LRMDA: variants seen among roughly 807,000 people sequenced by gnomAD.
LRMDA encodes leucine-rich melanocyte differentiation-associated protein.
A neutral mutation model predicts 29.8 loss-of-function variants in LRMDA; 18 were observed. The ratio of observed to expected loss-of-function variants is 0.60; its 90% CI spans 0.42 to 0.90. The LOEUF is 0.90. Among genes scored for constraint, LRMDA ranks in the 40% least tolerant of loss-of-function variants. LRMDA has a pLI of 0.00. For missense variants in LRMDA, 273 were observed against 273.9 expected (o/e 1.00, Z 0.02); for synonymous variants, 125 against 109.4 (o/e 1.14, Z -0.89).
At chr10:76,327,044 T>G (rs1840843003) in intron 6 of LRMDA, among the ~76,000 whole-genome samples, 1 of 151,820 alleles carries the variant, frequency 6.6e-6, no homozygotes, top group Non-Finnish European at 1.5e-5. Context: ...TATCTTAAAC[T>G]CCTCATAAAT....
chr10:76,365,086 A>ACATATG (rs1841374823), intron 6 of LRMDA, among the ~76,000 whole-genome samples: 1 of 14,854 alleles, frequency 6.7e-5, no homozygotes, highest in African/African-American at 3.9e-4. Flanking sequence ...ACACACACAC[A>ACATATG]TATATATATA....
chr10:75,924,566 C>A (rs1477510192), intron 2 of LRMDA, among the ~76,000 whole-genome samples: 1 of 152,184 alleles, frequency 6.6e-6, no homozygotes, highest in East Asian at 1.9e-4. Context: ...TCAGGAAGGA[C>A]TGGCTGCCCA....
intron 5 of LRMDA, among the ~76,000 whole-genome samples, chr10:76,191,505 A>T (rs1851246360): frequency 6.6e-6 from 1 of 152,210 alleles, no homozygotes; most frequent in African/African-American, 2.4e-5. Context: ...ACTGCCTTAG[A>T]TTAAATCAAC....
At chr10:75,711,086 G>A (rs985755278) in intron 2 of LRMDA, among the ~76,000 whole-genome samples, 4 of 152,216 alleles carry the variant, frequency 2.6e-5, no homozygotes, top group African/African-American at 9.6e-5. Flanking sequence ...AATTTGGAAT[G>A]ATGTATTAAA....
At chr10:76,131,446 CA>C (rs1254031689) in intron 5 of LRMDA, among the ~76,000 whole-genome samples, 7 of 152,138 alleles carry the variant, frequency 4.6e-5, no homozygotes, top group Non-Finnish European at 1.0e-4. Flanking sequence ...AGGATATTTT[CA>C]ATGGACATTT....
chr10:75,524,941 A>G (rs956352681), intron 2 of LRMDA, among the ~76,000 whole-genome samples: 1 of 152,172 alleles, frequency 6.6e-6, no homozygotes, highest in African/African-American at 2.4e-5. Context: ...GATTGAGTCC[A>G]GTGGTGGTGG....
chr10:75,902,850 C>T (rs1211618596), intron 2 of LRMDA, among the ~76,000 whole-genome samples: 1 of 152,156 alleles, frequency 6.6e-6, no homozygotes, highest in Non-Finnish European at 1.5e-5. Flanking sequence ...CTCTGGTTCC[C>T]CCGACAACCC....
intron 6 of LRMDA, among the ~76,000 whole-genome samples, chr10:76,540,266 T>TTTTCCATCTCCCA (rs1843339163): frequency 6.6e-6 from 1 of 150,582 alleles, no homozygotes; most frequent in African/African-American, 2.5e-5. Context: ...CAATTCATTC[T>TTTTCCATCTCCCA]ACATTTTTAT....
chr10:75,517,177 A>G (rs1042496525), intron 2 of LRMDA, among the ~76,000 whole-genome samples: 4 of 152,136 alleles, frequency 2.6e-5, no homozygotes, highest in African/African-American at 4.8e-5. Context: ...TGTCTTGGCA[A>G]TGCGGGCTCT....
chr10:76,238,391 G>A (rs978486996), intron 5 of LRMDA, among the ~76,000 whole-genome samples: 4 of 152,100 alleles, frequency 2.6e-5, no homozygotes, highest in African/African-American at 7.2e-5. Flanking sequence ...ACAGAGCCAC[G>A]AATTTAACTG....
intron 5 of LRMDA, among the ~76,000 whole-genome samples, chr10:76,297,633 C>T (rs1279814164): frequency 1.3e-5 from 2 of 152,094 alleles, no homozygotes; most frequent in African/African-American, 2.4e-5. Context: ...GGGGGCCTGT[C>T]GTTTCTGTCA....
intron 5 of LRMDA, among the ~76,000 whole-genome samples, chr10:76,073,452 C>A (rs1848906618): frequency 1.3e-5 from 2 of 152,066 alleles, no homozygotes; most frequent in African/African-American, 4.8e-5. Flanking sequence ...CTGTATAATT[C>A]TCTATCAAGT....
intron 6 of LRMDA, among the ~76,000 whole-genome samples, chr10:76,533,730 T>C (rs983834014): frequency 7.9e-5 from 12 of 152,192 alleles, no homozygotes; most frequent in Admixed American, 6.5e-5. Flanking sequence ...TATTCCTGAG[T>C]ATTTAGGTAA....
At chr10:75,629,420 C>A (rs1841295616) in intron 2 of LRMDA, among the ~76,000 whole-genome samples, 1 of 152,184 alleles carries the variant, frequency 6.6e-6, no homozygotes, top group South Asian at 2.1e-4. Flanking sequence ...AAAACATGTT[C>A]TCCTACACAT....
intron 5 of LRMDA, among the ~76,000 whole-genome samples, chr10:76,163,364 C>CT (rs528759407): frequency 9.0e-4 from 137 of 152,210 alleles, no homozygotes; most frequent in African/African-American, 2.9e-3. Context: ...CAGGATGGGA[C>CT]TTTTTTTATT....
At chr10:76,351,242 G>T (rs1042197061) in intron 6 of LRMDA, among the ~76,000 whole-genome samples, 2 of 152,126 alleles carry the variant, frequency 1.3e-5, no homozygotes, top group Non-Finnish European at 2.9e-5. Flanking sequence ...TGGCTGCAGA[G>T]GATGCTTCAG....
chr10:75,616,706 T>G (rs758222148), intron 2 of LRMDA, among the ~76,000 whole-genome samples: 21 of 152,368 alleles, frequency 1.4e-4, no homozygotes, highest in Non-Finnish European at 2.6e-4. Flanking sequence ...AATTTGGTTT[T>G]ATGCAATCTT....
At chr10:76,135,215 A>C (rs149872040) in intron 5 of LRMDA, among the ~76,000 whole-genome samples, 293 of 152,334 alleles carry the variant, frequency 1.9e-3, no homozygotes, top group Non-Finnish European at 3.6e-3. Context: ...TAATGCCCAC[A>C]AATGTGCTAG....
At chr10:76,056,731 A>G (rs949549559) in intron 4 of LRMDA, among the ~76,000 whole-genome samples, 8 of 152,200 alleles carry the variant, frequency 5.3e-5, no homozygotes, top group Non-Finnish European at 1.2e-4. Context: ...GGGAGAGGCC[A>G]GGCAGTGGGA....
Sources: gnomAD v4.1 joint callset for allele counts (sites outside exome capture counted in the v4.1 genomes callset) on GRCh38, gnomAD v4.1.1 for gene constraint, MANE v1.5 for transcripts, NCBI Gene and HGNC (gene_info 2026-07-23, HGNC 2026-07-21) for gene names.